EXT1: variants seen among roughly 807,000 people sequenced by gnomAD.
EXT1 encodes the protein exostosin glycosyltransferase 1, also known as exostosin-1.
A neutral mutation model predicts 82.5 loss-of-function variants in EXT1; 20 were observed. The ratio of observed to expected loss-of-function variants is 0.24; its 90% CI spans 0.17 to 0.35. The LOEUF (loss-of-function observed/expected upper bound fraction) is 0.35, where lower values mean the gene tolerates loss of function less well. EXT1 is among the 10% of genes least tolerant of loss of function. EXT1 has a pLI of 1.00. For synonymous variants in EXT1, 348 were observed against 350.8 expected, an observed-to-expected ratio of 0.99 and a Z score of 0.09; for missense variants, 757 against 936.5, an observed-to-expected ratio of 0.81 and a Z score of 2.50.
chr8:117,938,491 A>ATTAAG (rs1486796238), intron 1 of EXT1, among the ~76,000 whole-genome samples: 1 of 152,050 alleles, frequency 6.6e-6, no homozygotes, highest in African/African-American at 2.4e-5. Context: ...ATAATAATAA[A>ATTAAG]CAAAATTTAA....
At chr8:118,093,579 A>G (rs1268859746) in intron 1 of EXT1, among the ~76,000 whole-genome samples, 2 of 152,216 alleles carry the variant, frequency 1.3e-5, no homozygotes, top group Non-Finnish European at 2.9e-5. Context: ...AGATGACCCA[A>G]TGACAGCAAA....
rs915340058 is a variant in EXT1, at chr8:118,111,003, G to C, written c.44C>G (p.Ser15Cys). The C allele has an allele frequency of 8.7e-6, 14 of 1,605,444 alleles. No homozygotes were observed. In the Middle Eastern group the frequency reaches 1.6e-3, roughly 189 times the overall value. ...KRYFILLSAG[S>C]CLALLFYFGG... ...GAAATAAAACAAAAGGGCGAGACAA[G>C]AGCCAGCTGAGAGCAGGATGAAATA... is the stretch of plus-strand genomic sequence containing the variant. Residue 15 changes from serine to cysteine, a missense_variant, in exon 1 of 11, where the codon TCT becomes TGT. By Grantham distance (112) the Ser-to-Cys change is moderately radical. Transcript: ENST00000378204.
intron 1 of EXT1, among the ~76,000 whole-genome samples, chr8:118,019,329 T>A (rs1487255127): frequency 1.3e-5 from 2 of 151,906 alleles, no homozygotes; most frequent in South Asian, 4.1e-4. Flanking sequence ...CAGAGAGAGG[T>A]AAGTCTTGAG....
chr8:118,008,189 G>A (rs1403919265), intron 1 of EXT1, among the ~76,000 whole-genome samples: 2 of 152,070 alleles, frequency 1.3e-5, no homozygotes, highest in African/African-American at 4.8e-5. Flanking sequence ...CTCTTACTGT[G>A]TTAGTTTGCT....
intron 1 of EXT1, among the ~76,000 whole-genome samples, chr8:117,989,521 G>A (rs1158251997): frequency 6.6e-6 from 1 of 152,104 alleles, no homozygotes; most frequent in Non-Finnish European, 1.5e-5. Context: ...CTTTTAAACT[G>A]ACCAACTCCA....
intron 1 of EXT1, among the ~76,000 whole-genome samples, chr8:117,839,533 C>T (rs1812240750): frequency 6.6e-6 from 1 of 152,168 alleles, no homozygotes; most frequent in Non-Finnish European, 1.5e-5. Flanking sequence ...GAGGCTCATA[C>T]AGAACATGTA....
In EXT1 at chr8:117,923,553, T is replaced by C. The variant is rs1197561288; in HGVS notation, c.963-86352A>G. Among the ~76,000 whole-genome samples, 3 of 137,180 alleles carry C rather than the reference T, an allele frequency of 2.2e-5. No homozygotes were observed. The South Asian group carries it at 7.0e-4, about 32-fold the overall frequency. The allele number at this position is 137,180 out of a possible 152,430, so 90.0% of individuals were successfully genotyped here. ...TAACACGGTGAAACCCCATCTCTAC[T>C]AAAAAAAAAAAAAATACAAAAAATT... On this transcript the variant is annotated intron_variant, in intron 1 of 10. Coordinates refer to ENST00000378204, the MANE Select transcript of EXT1 (RefSeq NM_000127.3).
chr8:117,817,544 G>C (rs887885008), intron 7 of EXT1, among the ~76,000 whole-genome samples: 3 of 152,048 alleles, frequency 2.0e-5, no homozygotes, highest in African/African-American at 7.2e-5. Flanking sequence ...AGAGCTAGCT[G>C]CTCTTTAGTA....
intron 1 of EXT1, among the ~76,000 whole-genome samples, chr8:117,886,515 A>G (rs1175812023): frequency 3.3e-5 from 5 of 152,230 alleles, no homozygotes; most frequent in African/African-American, 9.6e-5. Flanking sequence ...TAGGTTGTTG[A>G]CTTAGTAAAT....
intron 1 of EXT1, among the ~76,000 whole-genome samples, chr8:117,873,447 CTTTTTTTTTTTTT>C (rs1184985472): frequency 2.0e-5 from 2 of 99,706 alleles, no homozygotes; most frequent in Non-Finnish European, 3.9e-5. Flanking sequence ...TGTCCTGTGA[CTTTTTTTTTTTTT>C]TTTTTTTTTT....
chr8:118,032,532 C>CA (rs1396781140), intron 1 of EXT1, among the ~76,000 whole-genome samples: 2 of 137,272 alleles, frequency 1.5e-5, no homozygotes, highest in South Asian at 2.3e-4. Context: ...TTTTTTGAGA[C>CA]AGAGTTTCGC....
At chr8:117,976,202 T>C (rs1454021837) in intron 1 of EXT1, among the ~76,000 whole-genome samples, 1 of 152,238 alleles carries the variant, frequency 6.6e-6, no homozygotes, top group East Asian at 1.9e-4. Context: ...TCTCAGTATG[T>C]AAATCTATTA....
chr8:117,874,005 T>C (rs1812922645), intron 1 of EXT1, among the ~76,000 whole-genome samples: 1 of 152,214 alleles, frequency 6.6e-6, no homozygotes, highest in Admixed American at 6.5e-5. Flanking sequence ...AGGTATCTCC[T>C]TTGACTAACA....
At chr8:118,069,487 T>A (rs1055569707) in intron 1 of EXT1, among the ~76,000 whole-genome samples, 6 of 152,114 alleles carry the variant, frequency 3.9e-5, no homozygotes, top group Admixed American at 3.3e-4. Flanking sequence ...ACTACAAACA[T>A]TCTCTTATGA....
intron 1 of EXT1, among the ~76,000 whole-genome samples, chr8:117,935,617 C>T (rs1184714501): frequency 6.6e-6 from 1 of 152,148 alleles, no homozygotes; most frequent in Non-Finnish European, 1.5e-5. Context: ...TGCCTCACTG[C>T]CTCAACCTCC....
At chr8:118,063,193 G>A (rs930773360) in intron 1 of EXT1, among the ~76,000 whole-genome samples, 1 of 150,198 alleles carries the variant, frequency 6.7e-6, no homozygotes, top group African/African-American at 2.5e-5. Flanking sequence ...TTAAGCAACT[G>A]GCAGTTATAG....
intron 1 of EXT1, among the ~76,000 whole-genome samples, chr8:117,959,522 C>T (rs1354954621): frequency 6.6e-6 from 1 of 152,220 alleles, no homozygotes; most frequent in African/African-American, 2.4e-5. Context: ...GTCCTTACCA[C>T]TGTCATCATG....
intron 1 of EXT1, among the ~76,000 whole-genome samples, chr8:118,080,567 G>A (rs1476667130): frequency 1.3e-5 from 2 of 152,094 alleles, no homozygotes; most frequent in Non-Finnish European, 2.9e-5. Context: ...ATCACTTGTA[G>A]TTTAAATGGT....
At chr8:118,027,521 T>C (rs1423603778) in intron 1 of EXT1, among the ~76,000 whole-genome samples, 1 of 152,134 alleles carries the variant, frequency 6.6e-6, no homozygotes. Flanking sequence ...CCTCCCTCTC[T>C]CTACAAGTGC....
Sources: allele counts gnomAD v4.1 joint callset (sites outside exome capture counted in the v4.1 genomes callset), GRCh38; gene constraint gnomAD v4.1.1; transcripts MANE v1.5; gene names NCBI Gene and HGNC (gene_info 2026-07-23, HGNC 2026-07-21).